BAZ2B: variants seen among roughly 807,000 people sequenced by gnomAD.
BAZ2B encodes bromodomain adjacent to zinc finger domain protein 2B.
A neutral mutation model predicts 246.0 loss-of-function variants in BAZ2B; 91 were observed. The observed-to-expected ratio is 0.37, with a 90% confidence interval of 0.31 to 0.44. BAZ2B has a LOEUF of 0.44. Among genes scored for constraint, BAZ2B ranks in the 20% least tolerant of loss-of-function variants. The pLI, the probability that BAZ2B is intolerant of heterozygous loss-of-function variation, is 1.00. For missense variants in BAZ2B, 2,332 were observed against 2,533.7 expected, an observed-to-expected ratio of 0.92 and a Z score of 1.71; for synonymous variants, 855 against 860.0, an observed-to-expected ratio of 0.99 and a Z score of 0.10.
the BAZ2B span, among the ~76,000 whole-genome samples, chr2:159,666,101 T>C: frequency 1.3e-5 from 2 of 152,190 alleles, no homozygotes; most frequent in South Asian, 2.1e-4. Flanking sequence ...TCTGTTAATA[T>C]CCTGCAAGCA....
chr2:159,415,045 A>G (rs2067446195), intron 13 of BAZ2B, among the ~76,000 whole-genome samples: 1 of 152,138 alleles, frequency 6.6e-6, no homozygotes, highest in African/African-American at 2.4e-5. Context: ...GATAATTCCT[A>G]AAACTTATGA....
chr2:159,620,934 T>C (rs572168836), upstream of BAZ2B, among the ~76,000 whole-genome samples: 6 of 152,306 alleles, frequency 3.9e-5, no homozygotes, highest in East Asian at 5.8e-4. Context: ...GACTGTAGTA[T>C]TAAGAGATTG....
Position 159,501,125 on chromosome 2 carries a change from TA to T in BAZ2B, c.-2-22405del, listed in dbSNP as rs1559628065. On this transcript the variant is annotated intron_variant, in intron 2 of 36. Transcript: ENST00000392783. The stretch of plus-strand genomic sequence containing the variant: ...TCTCTGTTTAAAAATATATATATAA[TA>T]TATATATATATTTTATATATATAAT... Among the ~76,000 whole-genome samples the T allele has an allele frequency of 2.8e-3, 75 of 26,690 alleles. 1 individual carries two copies. The highest frequency in any genetic ancestry group is 8.9e-3 in the African/African-American group (74 of 8,354). 17.5% of individuals were successfully genotyped at this position (26,690 alleles called of 152,430 possible). A position where few individuals can be genotyped will look rare whatever the true frequency, so the allele number is the denominator to read the frequency against.
chr2:159,334,054 A>G (rs1296922780), intron 33 of BAZ2B, among the ~76,000 whole-genome samples: 1 of 152,136 alleles, frequency 6.6e-6, no homozygotes, highest in African/African-American at 2.4e-5. Flanking sequence ...CTGAGAAATA[A>G]CAATTGCAAG....
chr2:159,615,831 G>A (rs889461839), intron 1 of BAZ2B: 2 of 152,514 alleles, frequency 1.3e-5, no homozygotes, highest in African/African-American at 4.8e-5. Flanking sequence ...CCGGCACAAA[G>A]GCGGCGGACT....
At chr2:159,417,933 G>C (rs1395012494) in intron 13 of BAZ2B, among the ~76,000 whole-genome samples, 1 of 152,148 alleles carries the variant, frequency 6.6e-6, no homozygotes, top group Non-Finnish European at 1.5e-5. Context: ...TGATGGCCTG[G>C]ATTAGAGCAC....
At chr2:159,704,342 C>T in the BAZ2B span, among the ~76,000 whole-genome samples, 1 of 152,202 alleles carries the variant, frequency 6.6e-6, no homozygotes, top group Admixed American at 6.5e-5. Context: ...AATAAGTTAA[C>T]ATCATTCCCA....
intron 33 of BAZ2B, among the ~76,000 whole-genome samples, chr2:159,335,916 T>C (rs2065590840): frequency 6.6e-6 from 1 of 152,162 alleles, no homozygotes; most frequent in South Asian, 2.1e-4. Context: ...ATCCTAGCAC[T>C]TTGGGAGGCT....
In BAZ2B at chr2:159,439,217, A is replaced by G. The variant is rs1425002661; in HGVS notation, c.697-5T>C. 3 of 1,611,756 alleles carry G rather than the reference A, an allele frequency of 1.9e-6. No homozygotes were observed. Among genetic ancestry groups the G allele is most frequent in the Non-Finnish European group, 2.5e-6 (3 of 1,178,674 alleles). The stretch of plus-strand genomic sequence containing the variant: ...CATTGCTTTCTTCCTTGGTTTCTGG[A>G]TAACGACAAGGTAGTTGGCAAGACT... On this transcript the variant is annotated splice_region_variant and splice_polypyrimidine_tract_variant and intron_variant, in intron 6 of 36. Transcript: ENST00000392783.
At chr2:159,566,167 A>T (rs2151530952) in intron 1 of BAZ2B, among the ~76,000 whole-genome samples, 1 of 152,072 alleles carries the variant, frequency 6.6e-6, no homozygotes, top group East Asian at 1.9e-4. Context: ...ATGCACCACC[A>T]CGTCTGGCTA....
At chr2:159,706,351 G>A in the BAZ2B span, among the ~76,000 whole-genome samples, 1 of 152,066 alleles carries the variant, frequency 6.6e-6, no homozygotes, top group Admixed American at 6.5e-5. Context: ...ATGTGGACAC[G>A]AAAAAAAATT....
downstream of BAZ2B, among the ~76,000 whole-genome samples, chr2:159,317,378 G>A (rs1474344253): frequency 6.6e-6 from 1 of 152,168 alleles, no homozygotes. Flanking sequence ...GTTTTATTTT[G>A]GAGTTGGAAC....
the BAZ2B span, among the ~76,000 whole-genome samples, chr2:159,633,989 C>A: frequency 6.6e-6 from 1 of 152,118 alleles, no homozygotes; most frequent in African/African-American, 2.4e-5. Context: ...ATCTACCCAC[C>A]TCGGGCTCCC....
intron 1 of BAZ2B, among the ~76,000 whole-genome samples, chr2:159,607,937 C>T (rs1693874283): frequency 6.6e-6 from 1 of 152,162 alleles, no homozygotes; most frequent in Admixed American, 6.5e-5. Context: ...AAGGTAGATG[C>T]CTCCTCCTTT....
chr2:159,399,488 A>G (rs1003051755), intron 17 of BAZ2B, among the ~76,000 whole-genome samples: 1 of 151,726 alleles, frequency 6.6e-6, no homozygotes, highest in African/African-American at 2.4e-5. Flanking sequence ...TTTTTTTTTA[A>G]TAGAATGAAA....
chr2:159,651,983 T>C, the BAZ2B span, among the ~76,000 whole-genome samples: 52 of 152,334 alleles, frequency 3.4e-4, no homozygotes, highest in African/African-American at 1.2e-3. Context: ...TGAGCTATTA[T>C]GAATAATACT....
At chr2:159,491,999 T>C (rs934084607) in intron 2 of BAZ2B, among the ~76,000 whole-genome samples, 1 of 152,206 alleles carries the variant, frequency 6.6e-6, no homozygotes, top group Non-Finnish European at 1.5e-5. Context: ...ACAAAAGTCA[T>C]GTGGCAGCAC....
intron 2 of BAZ2B, among the ~76,000 whole-genome samples, chr2:159,549,774 T>TAAAA (rs201877310): frequency 7.5e-6 from 1 of 132,746 alleles, no homozygotes; most frequent in East Asian, 2.1e-4. Context: ...GTGAGATGTT[T>TAAAA]AAAAAAAAAA....
At chr2:159,669,061 AAAAAAAG>A in the BAZ2B span, among the ~76,000 whole-genome samples, 6 of 124,672 alleles carry the variant, frequency 4.8e-5, no homozygotes, top group South Asian at 2.7e-4. Context: ...CCGTCTCAAA[AAAAAAAG>A]AAAGAAAGAA....
Sources: gnomAD v4.1 joint callset for allele counts (sites outside exome capture counted in the v4.1 genomes callset) on GRCh38, gnomAD v4.1.1 for gene constraint, MANE v1.5 for transcripts, NCBI Gene and HGNC (gene_info 2026-07-23, HGNC 2026-07-21) for gene names.